The following KIF1B variants were observed in gnomAD, a reference collection of about 807,000 sequenced individuals.
KIF1B encodes the protein kinesin family member 1B.
Under a neutral mutation model 241.9 loss-of-function variants are expected in KIF1B, and 76 were observed. The ratio of observed to expected loss-of-function variants is 0.31; its 90% CI spans 0.26 to 0.38. The LOEUF is 0.38. Among genes scored for constraint, KIF1B ranks in the 10% least tolerant of loss-of-function variants. The probability of loss-of-function intolerance (pLI) is 1.00; values close to 1 mark genes in which losing one functional copy is unlikely to be tolerated. For missense variants in KIF1B, 1,622 were observed against 2,271.4 expected, an observed-to-expected ratio of 0.71 and a Z score of 5.81; for synonymous variants, 750 against 796.7, an observed-to-expected ratio of 0.94 and a Z score of 0.99.
intron 14 of KIF1B, among the ~76,000 whole-genome samples, chr1:10,280,422 G>A (rs1047229224): frequency 9.9e-5 from 15 of 151,910 alleles, no homozygotes; most frequent in Non-Finnish European, 4.4e-5. Flanking sequence ...TTTTAATAGA[G>A]ATGGGGTTTC....
intron 22 of KIF1B, chr1:10,305,917 A>G (rs1370892107): frequency 2.8e-6 from 3 of 1,053,818 alleles, no homozygotes; most frequent in Middle Eastern, 4.2e-4. Context: ...CATGTTTTGG[A>G]AGATTCCTAA....
In KIF1B at chr1:10,212,282, C is replaced by T. The variant is rs143123877; in HGVS notation, c.-80+1404C>T. ...ATAACAAAATCTAGTTCTTGTGTTCCTCTAAGAAGTGAGGTGGTGCTTTCT... is the reference window on the plus strand; with the variant it reads ...ATAACAAAATCTAGTTCTTGTGTTCTTCTAAGAAGTGAGGTGGTGCTTTCT... On this transcript the variant is annotated intron_variant, in intron 1 of 48. Coordinates refer to ENST00000676179, the MANE Select transcript of KIF1B (RefSeq NM_001365951.3). Among the ~76,000 whole-genome samples the T allele has an allele frequency of 2.0e-5, 3 of 152,254 alleles. No individual in the cohort carries two copies. The East Asian group carries it at 5.8e-4, about 29-fold the overall frequency.
intron 31 of KIF1B, among the ~76,000 whole-genome samples, chr1:10,338,960 GTTTCT>G (rs1557723615): frequency 2.0e-5 from 3 of 152,290 alleles, no homozygotes; most frequent in African/African-American, 7.2e-5. Flanking sequence ...GTTGAAAATA[GTTTCT>G]TTTTCTCCAT....
intron 2 of KIF1B, among the ~76,000 whole-genome samples, chr1:10,237,957 C>T (rs1179493325): frequency 2.0e-5 from 3 of 151,592 alleles, no homozygotes; most frequent in Non-Finnish European, 4.4e-5. Flanking sequence ...TGCGGTGAGC[C>T]GTGATCACGC....
intron 3 of KIF1B, among the ~76,000 whole-genome samples, chr1:10,257,432 A>G (rs1240561874): frequency 2.7e-5 from 4 of 150,316 alleles, no homozygotes; most frequent in Non-Finnish European, 5.9e-5. Context: ...CCGAGATCGC[A>G]CCACTGCACT....
chr1:10,347,229 C>T (rs560490684), intron 35 of KIF1B, among the ~76,000 whole-genome samples: 2 of 152,212 alleles, frequency 1.3e-5, no homozygotes, highest in Non-Finnish European at 2.9e-5. Context: ...TTCTGAGAAC[C>T]ACCATCATGG....
Position 10,306,723 on chromosome 1 carries a change from C to T in KIF1B, c.2115+9477C>T, listed in dbSNP as rs776813261. ...ATCTTGCCTATGAATAGCCAGTGCA[C>T]TGCAGCCAGGACAACAGAGTGAGAA... On this transcript the variant is annotated intron_variant, in intron 22 of 48. Transcript: ENST00000676179. 5.9e-5 allele frequency: 53 copies of T among 898,848 alleles called. No individual in the cohort carries two copies. In the Middle Eastern group the frequency reaches 2.2e-3, roughly 37 times the overall value. The allele number at this position is 898,848 out of a possible 1,614,324, so 55.7% of individuals were successfully genotyped here.
chr1:10,320,463 A>C (rs1460136372), intron 23 of KIF1B, among the ~76,000 whole-genome samples: 1 of 152,166 alleles, frequency 6.6e-6, no homozygotes, highest in Admixed American at 6.5e-5. Context: ...ACAAATATAG[A>C]GCTGAATCTT....
intron 32 of KIF1B, 86 bp from the exon 33 acceptor site, chr1:10,341,964 A>C (rs531647940): frequency 1.9e-5 from 18 of 971,450 alleles, no homozygotes; most frequent in South Asian, 8.3e-5. Flanking sequence ...AAAAAAAAAA[A>C]AAAACCCAAA....
At chr1:10,236,014 T>A (rs1373923736) in intron 2 of KIF1B, among the ~76,000 whole-genome samples, 1 of 152,072 alleles carries the variant, frequency 6.6e-6, no homozygotes, top group Non-Finnish European at 1.5e-5. Context: ...GGCTCAAGCC[T>A]CTAATCCCAG....
At chr1:10,272,959 A>T in intron 9 of KIF1B, 55 bp from the exon 10 acceptor site, 1 of 1,426,602 alleles carries the variant, frequency 7.0e-7, no homozygotes, top group African/African-American at 1.4e-5. Context: ...CTAATTTTCT[A>T]CTTGGAGGCT....
At chr1:10,257,156 C>G (rs1336560867) in intron 3 of KIF1B, among the ~76,000 whole-genome samples, 1 of 151,028 alleles carries the variant, frequency 6.6e-6, no homozygotes, top group African/African-American at 2.4e-5. Context: ...TCTTGAACTC[C>G]TGACCTCCTG....
intron 6 of KIF1B, 25 bp from the exon 7 acceptor site, chr1:10,268,127 C>T (rs779876529): frequency 5.4e-6 from 8 of 1,495,034 alleles, no homozygotes; most frequent in African/African-American, 4.1e-5. Context: ...TCCCTTGTCA[C>T]GTGGTCACCT....
At chr1:10,312,606 TCTTG>T (rs1651117014) in intron 22 of KIF1B, among the ~76,000 whole-genome samples, 1 of 151,504 alleles carries the variant, frequency 6.6e-6, no homozygotes, top group Non-Finnish European at 1.5e-5. Context: ...ACACAAGTTT[TCTTG>T]CTTTTCCTGA....
chr1:10,226,837 G>A (rs776544822), intron 1 of KIF1B, among the ~76,000 whole-genome samples: 4 of 151,766 alleles, frequency 2.6e-5, no homozygotes, highest in African/African-American at 7.3e-5. Context: ...GCGTGGTGGC[G>A]TGTGCCTGTA....
At chr1:10,355,036 C>T (rs1041550829) in intron 38 of KIF1B, among the ~76,000 whole-genome samples, 2 of 152,176 alleles carry the variant, frequency 1.3e-5, no homozygotes, top group Non-Finnish European at 2.9e-5. Flanking sequence ...TATGTTAATG[C>T]ATTGACTTGG....
At position 10,381,251 on chromosome 1, in the gene KIF1B, T is replaced by TG. The variant is rs571589510; in HGVS notation, c.*4664_*4665insG. On this transcript the variant is annotated 3_prime_UTR_variant, in exon 49 of 49. Coordinates refer to ENST00000676179, the MANE Select transcript of KIF1B (RefSeq NM_001365951.3). ...CCTGTCTGTTGAGATTTCAAGTCTC[T>TG]TGTCACCATCCTCACACATGACAAC... 4.0e-5 allele frequency: 9 copies of TG among 225,938 alleles called. No individual in the cohort carries two copies. In the South Asian group the frequency reaches 1.7e-3, roughly 41 times the overall value. The allele number at this position is 225,938 out of a possible 1,614,324, so 14.0% of individuals were successfully genotyped here.
intron 44 of KIF1B, among the ~76,000 whole-genome samples, chr1:10,370,319 T>G (rs574470879): frequency 6.6e-6 from 1 of 152,102 alleles, no homozygotes; most frequent in South Asian, 2.1e-4. Context: ...CCTGCCAGCT[T>G]GGGAGGTCAA....
chr1:10,297,754 G>T (rs1172548055), intron 22 of KIF1B, among the ~76,000 whole-genome samples: 2 of 151,748 alleles, frequency 1.3e-5, no homozygotes, highest in Admixed American at 1.3e-4. Context: ...AGTTGCATGT[G>T]TTACTCCTTT....
Sources: gnomAD v4.1 joint callset for allele counts (sites outside exome capture counted in the v4.1 genomes callset) on GRCh38, gnomAD v4.1.1 for gene constraint, MANE v1.5 for transcripts, NCBI Gene and HGNC (gene_info 2026-07-23, HGNC 2026-07-21) for gene names.